NAALADL2: variants seen among roughly 807,000 people sequenced by gnomAD.
The protein encoded by NAALADL2 is N-acetylated alpha-linked acidic dipeptidase like 2, also known as inactive N-acetylated-alpha-linked acidic dipeptidase-like protein 2.
Under a neutral mutation model 87.2 loss-of-function variants are expected in NAALADL2, and 76 were observed. The ratio of observed to expected loss-of-function variants is 0.87; its 90% confidence interval spans 0.72 to 1.05. The LOEUF (loss-of-function observed/expected upper bound fraction) is 1.05, where lower values mean the gene tolerates loss of function less well. Among genes scored for constraint, NAALADL2 ranks in the 50% least tolerant of loss-of-function variants. The probability of loss-of-function intolerance (pLI) is 0.00; values close to 1 mark genes in which losing one functional copy is unlikely to be tolerated. For missense variants in NAALADL2, 1,089 were observed against 945.8 expected (o/e 1.15, Z -1.99); for synonymous variants, 354 against 331.0 (o/e 1.07, Z -0.75).
In NAALADL2 at chr3:175,737,389, C is replaced by A. The variant is rs1176251400; in HGVS notation, c.1980C>A (p.Asn660Lys). The A allele has an allele frequency of 2.5e-6, 4 of 1,594,364 alleles. No individual in the cohort carries two copies. Among genetic ancestry groups the A allele is most frequent in the Non-Finnish European group, 3.4e-6 (4 of 1,163,454 alleles). ...NALDIALEVQ[N>K]NLKGDQPNTH... ...TTGATATAGCTTTAGAAGTTCAAAA[C>A]AACCTTAAAGGTAATTTTCCTTTGA... is the stretch of plus-strand genomic sequence containing the variant. The change falls in exon 12 of 14, where the codon AAC (asparagine) becomes AAA (lysine). Residue 660 changes from asparagine to lysine, a missense_variant. Transcript: ENST00000454872.
chr3:175,482,623 T>C (rs2149322897), intron 9 of NAALADL2, among the ~76,000 whole-genome samples: 1 of 152,086 alleles, frequency 6.6e-6, no homozygotes, highest in Admixed American at 6.6e-5. Context: ...TAGTTTTTCA[T>C]ACAGACCCAT....
intron 2 of NAALADL2, among the ~76,000 whole-genome samples, chr3:175,133,211 G>T (rs1351403548): frequency 6.6e-6 from 1 of 150,880 alleles, no homozygotes; most frequent in African/African-American, 2.4e-5. Context: ...GATGGCGGCC[G>T]GGCAGAGACG....
chr3:175,132,256 C>G (rs551982952), intron 2 of NAALADL2, among the ~76,000 whole-genome samples: 1 of 17,300 alleles, frequency 5.8e-5, no homozygotes, highest in East Asian at 2.7e-3. Context: ...GCTGGCCGGG[C>G]GGGGGGCTGA....
chr3:174,882,527 A>ATATATGTGTATATACATATGTG (rs1729360744), intron 1 of NAALADL2, among the ~76,000 whole-genome samples: 2 of 150,722 alleles, frequency 1.3e-5, no homozygotes, highest in Admixed American at 6.6e-5. Context: ...GTGCATATAC[A>ATATATGTGTATATACATATGTG]CATATATGCA....
chr3:175,241,798 T>A (rs1746935924), intron 3 of NAALADL2, among the ~76,000 whole-genome samples: 1 of 151,552 alleles, frequency 6.6e-6, no homozygotes, highest in Admixed American at 6.6e-5. Context: ...GTTTTCATTT[T>A]CCCCACTTGA....
intron 1 of NAALADL2, among the ~76,000 whole-genome samples, chr3:174,513,797 T>G (rs2108396412): frequency 6.6e-6 from 1 of 152,346 alleles, no homozygotes; most frequent in South Asian, 2.1e-4. Flanking sequence ...AGCACTTCAT[T>G]GTAGGACTAA....
At chr3:175,676,047 T>C (rs1734726278) in intron 11 of NAALADL2, 1 of 152,032 alleles carries the variant, frequency 6.6e-6, no homozygotes, top group Non-Finnish European at 1.5e-5. Flanking sequence ...TACATAATCT[T>C]AGGCAGGTAA....
rs1016034690 is a variant in NAALADL2, at chr3:175,037,094, G to T, written c.44-59696G>T. Reference sequence around the variant, plus strand: ...GTTTCTCACCCATGAAGTCAAACAAGGCTAAAAGATTCTGCCAGTAACGAA... The same window carrying T: ...GTTTCTCACCCATGAAGTCAAACAATGCTAAAAGATTCTGCCAGTAACGAA... On this transcript the variant is annotated intron_variant, in intron 1 of 13. Transcript: ENST00000454872. 3.3e-5 allele frequency among the ~76,000 whole-genome samples: 5 copies of T among 151,952 alleles called. 1 individual carries two copies. The highest frequency in any genetic ancestry group is 4.4e-5 in the Non-Finnish European group (3 of 67,982).
At chr3:174,917,077 T>G (rs73881554) in intron 1 of NAALADL2, among the ~76,000 whole-genome samples, 4,529 of 152,226 alleles carry the variant, frequency 0.03, 223 homozygotes, top group African/African-American at 0.098. Flanking sequence ...TGCTGAGAGC[T>G]CTTTTAAAAT....
At chr3:174,543,602 C>T (rs1360154563) in intron 1 of NAALADL2, among the ~76,000 whole-genome samples, 2 of 152,126 alleles carry the variant, frequency 1.3e-5, no homozygotes, top group African/African-American at 4.8e-5. Context: ...CTATCCCACT[C>T]TTTCCTACCT....
chr3:174,787,067 C>A (rs1052431944), intron 3 of NAALADL2, among the ~76,000 whole-genome samples: 1 of 151,078 alleles, frequency 6.6e-6, no homozygotes, highest in Non-Finnish European at 1.5e-5. Flanking sequence ...ATATTTATTG[C>A]AATATAATAA....
chr3:174,658,187 AACC>A (rs1725161433), intron 2 of NAALADL2, among the ~76,000 whole-genome samples: 1 of 152,178 alleles, frequency 6.6e-6, no homozygotes, highest in Non-Finnish European at 1.5e-5. Flanking sequence ...TTTGGTAAGA[AACC>A]ACCAAACTGT....
chr3:174,663,346 A>G (rs2108783293), intron 2 of NAALADL2, among the ~76,000 whole-genome samples: 2 of 152,280 alleles, frequency 1.3e-5, no homozygotes, highest in South Asian at 4.1e-4. Context: ...GTCTATTTGC[A>G]TTGCTATAAA....
chr3:174,830,589 G>A lies in NAALADL2; in HGVS notation c.-9+92843G>A, dbSNP rs372703687. ...TCTTTTGGCTTAGGATTGACTTGGC[G>A]ATGCGGGCTCTTTTTTGGTTCCATA... On this transcript the variant is annotated intron_variant, in intron 3 of 3. Coordinates refer to the NAALADL2 transcript ENST00000434257. 3.7e-3 allele frequency among the ~76,000 whole-genome samples: 556 copies of A among 151,804 alleles called. 4 individuals carry two copies. The highest frequency in any genetic ancestry group is 5.3e-3 in the Non-Finnish European group (362 of 67,902).
chr3:175,321,265 AG>A (rs1759821208), intron 4 of NAALADL2, among the ~76,000 whole-genome samples: 1 of 136,516 alleles, frequency 7.3e-6, no homozygotes, highest in Non-Finnish European at 1.6e-5. Flanking sequence ...ATGCAGAAAA[AG>A]CCTTTGACAA....
At chr3:175,652,053 C>T (rs1354990591) in intron 11 of NAALADL2, among the ~76,000 whole-genome samples, 1 of 152,192 alleles carries the variant, frequency 6.6e-6, no homozygotes, top group African/African-American at 2.4e-5. Flanking sequence ...TACTGTACAT[C>T]AAATTTCTAT....
intron 1 of NAALADL2, among the ~76,000 whole-genome samples, chr3:174,513,097 G>A (rs1719711795): frequency 6.6e-6 from 1 of 152,006 alleles, no homozygotes; most frequent in Non-Finnish European, 1.5e-5. Flanking sequence ...GAGTAGCTGG[G>A]ATTACAAGCG....
chr3:175,053,682 G>T (rs1039931912), intron 1 of NAALADL2, among the ~76,000 whole-genome samples: 2 of 152,172 alleles, frequency 1.3e-5, no homozygotes, highest in African/African-American at 4.8e-5. Context: ...ACACATACAT[G>T]TAACATGTGT....
intron 11 of NAALADL2, among the ~76,000 whole-genome samples, chr3:175,648,810 C>A (rs763056133): frequency 6.6e-6 from 1 of 152,096 alleles, no homozygotes; most frequent in Non-Finnish European, 1.5e-5. Context: ...ATCCCAACTC[C>A]AAAGATAATA....
Sources: allele counts gnomAD v4.1 joint callset (sites outside exome capture counted in the v4.1 genomes callset), GRCh38; gene constraint gnomAD v4.1.1; transcripts MANE v1.5; gene names NCBI Gene and HGNC (gene_info 2026-07-23, HGNC 2026-07-21).